Variants in INTS12 observed in about 807,000 individuals in gnomAD.
INTS12 encodes the protein integrator complex subunit 12.
Under a neutral mutation model 41.6 loss-of-function variants are expected in INTS12, and 13 were observed. The observed-to-expected ratio is 0.31, with a 90% CI of 0.20 to 0.50. The LOEUF (loss-of-function observed/expected upper bound fraction) is 0.50. INTS12 is among the 20% of genes least tolerant of loss of function. INTS12 has a pLI of 0.98. For missense variants in INTS12, 432 were observed against 541.6 expected (o/e 0.80, Z 2.01); for synonymous variants, 199 against 191.4 (o/e 1.04, Z -0.33).
At chr4:105,695,971 A>G (rs989083933) in intron 3 of INTS12, among the ~76,000 whole-genome samples, 2 of 152,038 alleles carry the variant, frequency 1.3e-5, no homozygotes, top group African/African-American at 4.8e-5. Context: ...CTCCTGCCTC[A>G]GCCTCCCGTG....
intron 7 of INTS12, among the ~76,000 whole-genome samples, chr4:105,684,393 A>G (rs994636748): frequency 1.3e-5 from 2 of 152,136 alleles, no homozygotes; most frequent in Non-Finnish European, 2.9e-5. Flanking sequence ...CATCCTACTT[A>G]AAAAATGGTA....
chr4:105,706,370 T>G (rs1486230112), intron 1 of INTS12: 2 of 150,054 alleles, frequency 1.3e-5, no homozygotes, highest in Non-Finnish European at 2.9e-5. Flanking sequence ...TCCTCCTGCC[T>G]CAGCCTCCCA....
Position 105,683,208 on chromosome 4 carries a change from G to A in INTS12, c.914C>T (p.Pro305Leu), listed in dbSNP as rs776639783. Residue 305 changes from proline (P) to leucine (L), a missense_variant, in exon 8 of 8, where the codon CCT becomes CTT. This residue lies in a region of INTS12 where 258 missense variants were observed against 309.9 expected (regional missense o/e 0.83). Transcript: ENST00000340139. ...TGTTGAACTCAATTTTGCTGTTGAA[G>A]GACCAGCAGAGGAAGTTTTGGCTGC... is the stretch of plus-strand genomic sequence containing the variant. ...AFAAKTSSAG[P>L]STAKLSSTTQ... The A allele has an allele frequency of 2.1e-5, 34 of 1,613,910 alleles. No homozygotes were observed. The highest frequency in any genetic ancestry group is 2.7e-5 in the Non-Finnish European group (32 of 1,179,956).
intron 7 of INTS12, among the ~76,000 whole-genome samples, chr4:105,686,096 CTT>C (rs1731488804): frequency 6.6e-6 from 1 of 152,056 alleles, no homozygotes; most frequent in Admixed American, 6.6e-5. Context: ...CAGTTTCGCT[CTT>C]GTCACCCAGG....
chr4:105,706,552 G>A (rs750283548), intron 1 of INTS12: 2 of 152,114 alleles, frequency 1.3e-5, no homozygotes, highest in African/African-American at 2.4e-5. Flanking sequence ...TCTTAAATTT[G>A]AATCCCATGT....
At chr4:105,693,114 T>C (rs542776102) in intron 5 of INTS12, among the ~76,000 whole-genome samples, 185 bp downstream of exon 5, 1 of 152,346 alleles carries the variant, frequency 6.6e-6, no homozygotes, top group African/African-American at 2.4e-5. Flanking sequence ...ACAAAATAGT[T>C]GACAATTTTC....
At position 105,683,835 on chromosome 4, in the gene INTS12, A is replaced by G. The variant is rs143163648; in HGVS notation, c.805-518T>C. ...AGTGACTGTGTGAGAGAAAGAAGACAGCTGTATAGATTCTAAACCCATTAA... is the reference window on the plus strand; with the variant it reads ...AGTGACTGTGTGAGAGAAAGAAGACGGCTGTATAGATTCTAAACCCATTAA... On this transcript the variant is annotated intron_variant, in intron 7 of 7. Coordinates refer to ENST00000340139, the MANE Select transcript of INTS12 (RefSeq NM_020395.4). 9.3e-4 allele frequency among the ~76,000 whole-genome samples: 142 copies of G among 152,254 alleles called. 2 individuals carry two copies. In the East Asian group the frequency reaches 0.025, roughly 27 times the overall value.
chr4:105,708,226 A>G, intron 1 of INTS12: 1 of 985,460 alleles, frequency 1.0e-6, no homozygotes, highest in Non-Finnish European at 1.2e-6. Context: ...CTGACAGCAA[A>G]CACTTAGAAA....
chr4:105,706,254 CTTT>C (rs757516945), intron 1 of INTS12: 9 of 125,394 alleles, frequency 7.2e-5, no homozygotes, highest in Non-Finnish European at 8.4e-5. Flanking sequence ...ACTTCAATCT[CTTT>C]TTTTTTTTTT....
intron 7 of INTS12, among the ~76,000 whole-genome samples, chr4:105,685,767 T>A (rs909405467): frequency 1.3e-5 from 2 of 152,170 alleles, no homozygotes; most frequent in African/African-American, 4.8e-5. Context: ...TAGAAAATTA[T>A]TTTTTTCCAT....
intron 6 of INTS12, among the ~76,000 whole-genome samples, chr4:105,687,292 TTTAAATA>T (rs1216567522): frequency 1.3e-5 from 2 of 152,200 alleles, no homozygotes; most frequent in Non-Finnish European, 2.9e-5. Flanking sequence ...TTTATATGGT[TTTAAATA>T]TAGAACAGGG....
chr4:105,700,735 A>ACACACACACT (rs1553954238), intron 2 of INTS12, among the ~76,000 whole-genome samples: 3 of 151,746 alleles, frequency 2.0e-5, no homozygotes, highest in African/African-American at 4.8e-5. Context: ...ACACACACAC[A>ACACACACACT]CACACACACA....
rs531562841 is a variant in INTS12 at position 105,683,124 on chromosome 4, A to G, written c.998T>C (p.Leu333Ser). The G allele has an allele frequency of 6.2e-7, 1 of 1,614,110 alleles. No homozygotes were observed. The highest frequency in any genetic ancestry group is 1.1e-5 in the South Asian group (1 of 91,078). ...TTTGGATGATGTTGCCAGACCAGTC[A>G]AACCCACAGGTTTCTGGTTAGCTGA... Reference protein sequence around the residue: ...TSSANQKPVGLTGLATSSKGG... With the variant: ...TSSANQKPVGSTGLATSSKGG... The change falls in exon 8 of 8, where the codon TTG (leucine) becomes TCG (serine). Residue 333 changes from leucine to serine, a missense_variant. Transcript: ENST00000340139.
chr4:105,699,647 C>G (rs1731988819), intron 3 of INTS12, among the ~76,000 whole-genome samples: 1 of 152,102 alleles, frequency 6.6e-6, no homozygotes, highest in South Asian at 2.1e-4. Flanking sequence ...AACAGAATAT[C>G]CTGCACCCCC....
intron 2 of INTS12, chr4:105,702,837 CACTTAT>C: frequency 3.2e-6 from 3 of 952,012 alleles, no homozygotes; most frequent in Non-Finnish European, 3.8e-6. Flanking sequence ...TAAAATAAAA[CACTTAT>C]GGTTATGTGG....
At chr4:105,699,822 TCTCC>T in intron 3 of INTS12, 24 bp downstream of exon 3, 2 of 1,454,392 alleles carry the variant, frequency 1.4e-6, no homozygotes, top group Non-Finnish European at 1.8e-6. Context: ...TACAAAACTC[TCTCC>T]AAGCTTTTTA....
In INTS12 at chr4:105,708,427, A is replaced by G. The variant is rs188473924; in HGVS notation, c.-172+211T>C. The G allele has an allele frequency of 7.3e-4, 722 of 985,484 alleles. 2 individuals are homozygous for G. The highest frequency in any genetic ancestry group is 5.6e-3 in the African/African-American group (320 of 57,338). 61.0% of individuals were successfully genotyped at this position (985,484 alleles called of 1,614,324 possible). On this transcript the variant is annotated intron_variant, in intron 1 of 7. Coordinates refer to ENST00000340139, the MANE Select transcript of INTS12 (RefSeq NM_020395.4). The stretch of plus-strand genomic sequence containing the variant: ...AGACCTAGAAATATGCTCGGTCCGC[A>G]TGTCCCGGCCCGCAACTCCCTCGGA...
rs1406578803 is a variant in INTS12, at chr4:105,692,045, T to C, written c.588A>G (p.Thr196=). Residue 196 remains threonine (T), a synonymous_variant, in exon 6 of 8, where the codon ACA becomes ACG. Transcript: ENST00000340139. ...YHRDCHKPQV[T]DKEANDPRLV... is the part of the protein sequence containing the mutation. Reference sequence around the variant, plus strand: ...GGCGAGGGTCATTCGCTTCCTTGTCTGTCACCTGGGGTTTATGACAATCTC... The same window carrying C: ...GGCGAGGGTCATTCGCTTCCTTGTCCGTCACCTGGGGTTTATGACAATCTC... 2 of 1,610,448 alleles carry C rather than the reference T, an allele frequency of 1.2e-6. No individual in the cohort carries two copies. Among genetic ancestry groups the C allele is most frequent in the East Asian group, 4.5e-5 (2 of 44,732 alleles).
In INTS12 at chr4:105,682,775, C is replaced by T; in HGVS notation, c.1347G>A (p.Gln449=). The change falls in exon 8 of 8, where the codon CAG becomes CAA. Residue 449 remains glutamine, a synonymous_variant. Coordinates refer to ENST00000340139, the MANE Select transcript of INTS12 (RefSeq NM_020395.4). ...ESQLNAMKRL[Q]MVKKKAAQKK... is the part of the protein sequence containing the mutation. The stretch of plus-strand genomic sequence containing the variant: ...TTTGGGCAGCTTTCTTCTTGACCAT[C>T]TGTAATCGCTTCATAGCATTGAGCT... The T allele has an allele frequency of 6.2e-7, 1 of 1,614,086 alleles. No homozygotes were observed. The highest frequency in any genetic ancestry group is 1.1e-5 in the South Asian group (1 of 91,086).
Sources: gnomAD v4.1 joint callset for allele counts (sites outside exome capture counted in the v4.1 genomes callset) on GRCh38, gnomAD v4.1.1 for gene constraint, gnomAD v4.1.1 regional missense constraint, MANE v1.5 for transcripts, NCBI Gene and HGNC (gene_info 2026-07-23, HGNC 2026-07-21) for gene names.